The following ARHGAP6 variants were observed in gnomAD, a reference collection of about 807,000 sequenced individuals.
ARHGAP6 encodes rho GTPase-activating protein 6.
A neutral mutation model predicts 55.7 loss-of-function variants in ARHGAP6; 16 were observed. That is an observed-to-expected ratio of 0.29 (90% CI 0.19 to 0.44). ARHGAP6 has a LOEUF of 0.44. Ranked by LOEUF, ARHGAP6 falls within the 20% of genes least tolerant of loss-of-function variation. The probability of loss-of-function intolerance (pLI) is 1.00; values close to 1 mark genes in which losing one functional copy is unlikely to be tolerated. For synonymous variants in ARHGAP6, 382 were observed against 360.9 expected (o/e 1.06, Z -0.66); for missense variants, 698 against 808.9 (o/e 0.86, Z 1.66).
At chrX:11,420,111 T>C (rs2049801502) in intron 1 of ARHGAP6, among the ~76,000 whole-genome samples, 1 of 111,928 alleles carries the variant, frequency 8.9e-6, no homozygotes, top group Non-Finnish European at 1.9e-5. Flanking sequence ...TGTATTTGAA[T>C]GAAAAAATTT....
chrX:11,507,978 AC>A (rs1201479427), intron 1 of ARHGAP6, among the ~76,000 whole-genome samples: 2 of 111,607 alleles, frequency 1.8e-5, no homozygotes, highest in African/African-American at 3.3e-5. Context: ...AAGTCAAAAC[AC>A]CCTCGTGGAA....
chrX:11,143,622 A>G (rs973138917), intron 11 of ARHGAP6: 4 of 967,165 alleles, frequency 4.1e-6, no homozygotes, highest in Non-Finnish European at 5.2e-6. Context: ...ATTGGGTGGC[A>G]CCTCAGACTA....
At chrX:11,549,265 A>G (rs1400852499) in intron 1 of ARHGAP6, among the ~76,000 whole-genome samples, 1 of 112,163 alleles carries the variant, frequency 8.9e-6, no homozygotes, top group African/African-American at 3.2e-5. Context: ...GAGGCAACAG[A>G]AACAAAAACA....
Position 11,144,212 on chromosome X carries a change from G to A in ARHGAP6, c.1944C>T (p.Ser648=), listed in dbSNP as rs1014805974. ...PDMLQSEVSF[S]VGGRHSSTDS... ...CTGTAGATGAATGCCTCCCTCCCACGGAAAAGGAAACTTCCGACTGCAGCA... is the reference window on the plus strand; with the variant it reads ...CTGTAGATGAATGCCTCCCTCCCACAGAAAAGGAAACTTCCGACTGCAGCA... The change falls in exon 11 of 13, where the codon TCC becomes TCT. Residue 648 remains serine (S), a synonymous_variant. Transcript: ENST00000337414. The A allele has an allele frequency of 1.2e-5, 14 of 1,209,940 alleles. No homozygotes were observed. The highest frequency in any genetic ancestry group is 3.5e-5 in the African/African-American group (2 of 57,169).
At chrX:11,409,984 A>T (rs1569333418) in intron 1 of ARHGAP6, among the ~76,000 whole-genome samples, 1 of 112,074 alleles carries the variant, frequency 8.9e-6, no homozygotes, top group Non-Finnish European at 1.9e-5. Context: ...AAGTACTGGT[A>T]AGGATGTGGA....
At chrX:11,285,169 T>G (rs1350829511) in intron 1 of ARHGAP6, among the ~76,000 whole-genome samples, 4 of 108,498 alleles carry the variant, frequency 3.7e-5, no homozygotes, top group Non-Finnish European at 7.7e-5. Context: ...AGATTGTTTT[T>G]TTTTTTTTTT....
chrX:11,323,892 AAAG>A (rs944086336), intron 1 of ARHGAP6, among the ~76,000 whole-genome samples: 20 of 109,248 alleles, frequency 1.8e-4, no homozygotes, highest in African/African-American at 4.7e-4. Context: ...AAAAAAGAAA[AAAG>A]AAGAAGGGAT....
intron 1 of ARHGAP6, among the ~76,000 whole-genome samples, chrX:11,594,301 G>GTC (rs199791232): frequency 0.19 from 20,781 of 111,059 alleles, 1,581 homozygotes; most frequent in Middle Eastern, 0.27. Context: ...GACCCTACAG[G>GTC]TCTCAGTTCA....
At chrX:11,196,223 A>G (rs2046539744) in intron 3 of ARHGAP6, among the ~76,000 whole-genome samples, 1 of 111,479 alleles carries the variant, frequency 9.0e-6, no homozygotes, top group Admixed American at 9.5e-5. Context: ...CTGGATCTTT[A>G]AAAAGGAAAA....
chrX:11,422,084 C>G (rs2049829484), intron 1 of ARHGAP6, among the ~76,000 whole-genome samples: 1 of 111,601 alleles, frequency 9.0e-6, no homozygotes, highest in Non-Finnish European at 1.9e-5. Flanking sequence ...TAAACTTACA[C>G]ACTAGTCAGA....
chrX:11,505,091 A>C (rs971866620), intron 1 of ARHGAP6, among the ~76,000 whole-genome samples: 1 of 110,980 alleles, frequency 9.0e-6, no homozygotes, highest in Non-Finnish European at 1.9e-5. Context: ...AGTCCAAACT[A>C]GGCAGATGAC....
intron 1 of ARHGAP6, among the ~76,000 whole-genome samples, chrX:11,613,779 G>A (rs1453234781): frequency 8.9e-6 from 1 of 112,457 alleles, no homozygotes; most frequent in Non-Finnish European, 1.9e-5. Context: ...AAGAGTCAAT[G>A]GTTGGTGCTG....
chrX:11,623,514 A>AC (rs1380776252), intron 1 of ARHGAP6, among the ~76,000 whole-genome samples: 1 of 107,883 alleles, frequency 9.3e-6, no homozygotes, highest in Admixed American at 9.9e-5. Flanking sequence ...ACACGGTGAA[A>AC]CCCCGTCTCT....
At chrX:11,265,952 T>C (rs1266355341) in intron 1 of ARHGAP6, 1 of 947,379 alleles carries the variant, frequency 1.1e-6, no homozygotes, top group East Asian at 8.1e-5. Context: ...GAGAAGTTCC[T>C]GTCCTTTCAG....
intron 1 of ARHGAP6, among the ~76,000 whole-genome samples, chrX:11,340,179 C>G (rs754948161): frequency 8.0e-5 from 9 of 111,848 alleles, no homozygotes; most frequent in Admixed American, 3.8e-4. Flanking sequence ...GAGCCCCATC[C>G]TAATTCAATG....
At chrX:11,603,842 C>G (rs1222539254) in intron 1 of ARHGAP6, among the ~76,000 whole-genome samples, 1 of 111,726 alleles carries the variant, frequency 9.0e-6, no homozygotes, top group Non-Finnish European at 1.9e-5. Flanking sequence ...TATAATACAT[C>G]AAAATGGAAA....
chrX:11,244,580 G>A (rs760192408), intron 2 of ARHGAP6, among the ~76,000 whole-genome samples: 4 of 112,240 alleles, frequency 3.6e-5, no homozygotes, highest in East Asian at 2.8e-4. Context: ...AAATTTCAAC[G>A]TATACGTATT....
chrX:11,662,865 A>G (rs998528742), intron 1 of ARHGAP6, among the ~76,000 whole-genome samples: 1 of 112,223 alleles, frequency 8.9e-6, no homozygotes, highest in East Asian at 2.8e-4. Flanking sequence ...CTGAAATACA[A>G]TGAGAATCCA....
At chrX:11,264,350 G>A (rs958204937) in intron 1 of ARHGAP6, among the ~76,000 whole-genome samples, 1 of 111,965 alleles carries the variant, frequency 8.9e-6, no homozygotes, top group African/African-American at 3.2e-5. Context: ...AAGTAGAAAT[G>A]AACATTGTCA....
Sources: allele counts gnomAD v4.1 joint callset (sites outside exome capture counted in the v4.1 genomes callset), GRCh38; gene constraint gnomAD v4.1.1; transcripts MANE v1.5; gene names NCBI Gene and HGNC (gene_info 2026-07-23, HGNC 2026-07-21).